Variants in FRMD3 observed in about 807,000 individuals in gnomAD.
The protein encoded by FRMD3 is FERM domain containing 3, also known as FERM domain-containing protein 3.
FRMD3 carries 33 observed loss-of-function variants against 70.2 expected under a neutral mutation model. The observed-to-expected ratio is 0.47, with a 90% confidence interval of 0.36 to 0.63. The LOEUF (loss-of-function observed/expected upper bound fraction) is 0.63, where lower values mean the gene tolerates loss of function less well. Ranked by LOEUF, FRMD3 falls within the 20% of genes least tolerant of loss-of-function variation. The pLI is 0.00. For synonymous variants in FRMD3, 279 were observed against 255.9 expected (o/e 1.09, Z -0.86); for missense variants, 632 against 711.4 (o/e 0.89, Z 1.27).
rs1825612909 is a variant in FRMD3, at chr9:83,389,720, G to GCA, written c.148-14_148-13dup. 3 of 1,587,204 alleles carry GCA rather than the reference G, an allele frequency of 1.9e-6. No homozygotes were observed. The highest frequency in any genetic ancestry group is 1.3e-5 in the African/African-American group (1 of 74,386). ...CCTTTGGTTTCCCTCTGCAAAGGAA[G>GCA]CACATTTAAGTCTCAGCCAGAGCTC... On this transcript the variant is annotated splice_polypyrimidine_tract_variant and intron_variant, in intron 1 of 13. Coordinates refer to ENST00000304195, the MANE Select transcript of FRMD3 (RefSeq NM_174938.6).
intron 6 of FRMD3, among the ~76,000 whole-genome samples, chr9:83,330,089 G>A (rs1836194899): frequency 6.6e-6 from 1 of 152,168 alleles, no homozygotes; most frequent in Admixed American, 6.5e-5. Context: ...GACTGGCGAG[G>A]CATGGTGGCT....
rs1825963630 is a variant in FRMD3 at position 83,402,022 on chromosome 9, C to G, written c.148-12314G>C. Among the ~76,000 whole-genome samples the G allele has an allele frequency of 3.3e-5, 5 of 151,870 alleles. No homozygotes were observed. The South Asian group carries it at 1.0e-3, about 32-fold the overall frequency. On this transcript the variant is annotated intron_variant, in intron 1 of 13. Transcript: ENST00000304195. ...CCATTTTAAAATCAATACAAATATGCCTCAGGCATTTCTATAATAAATCTT... is the reference window on the plus strand; with the variant it reads ...CCATTTTAAAATCAATACAAATATGGCTCAGGCATTTCTATAATAAATCTT...
chr9:83,567,840 C>T, the FRMD3 span, among the ~76,000 whole-genome samples: 2 of 152,200 alleles, frequency 1.3e-5, no homozygotes, highest in African/African-American at 2.4e-5. Context: ...TTCAACAAAT[C>T]TCTAGGAGGT....
chr9:83,412,321 G>T (rs1030960718), intron 1 of FRMD3, among the ~76,000 whole-genome samples: 1 of 152,148 alleles, frequency 6.6e-6, no homozygotes, highest in African/African-American at 2.4e-5. Context: ...TTTAGTAACT[G>T]CAAATAAAGC....
At chr9:83,439,348 C>T (rs78318662) in intron 1 of FRMD3, among the ~76,000 whole-genome samples, 1,560 of 152,332 alleles carry the variant, frequency 0.01, 25 homozygotes, top group African/African-American at 0.035. Flanking sequence ...ATGACTGAGT[C>T]TGGAGCCTTT....
At chr9:83,546,523 T>C in the FRMD3 span, among the ~76,000 whole-genome samples, 1 of 152,110 alleles carries the variant, frequency 6.6e-6, no homozygotes, top group Non-Finnish European at 1.5e-5. Context: ...GTTCTAAACA[T>C]AGAGACAAAA....
At chr9:83,545,366 T>G in the FRMD3 span, among the ~76,000 whole-genome samples, 861 of 147,176 alleles carry the variant, frequency 5.9e-3, 11 homozygotes, top group African/African-American at 0.018. Context: ...GTTTTTTTTT[T>G]TTTTTTTTTG....
At chr9:83,244,433 T>G (rs1001388722), downstream of FRMD3, among the ~76,000 whole-genome samples, 1 of 152,208 alleles carries the variant, frequency 6.6e-6, no homozygotes, top group Non-Finnish European at 1.5e-5. Context: ...TCAGTGCTAG[T>G]ATTCCTGCTT....
intron 10 of FRMD3, among the ~76,000 whole-genome samples, chr9:83,301,143 C>CT (rs953118398): frequency 9.9e-5 from 15 of 152,214 alleles, no homozygotes; most frequent in South Asian, 4.1e-4. Context: ...AGCCATGGCC[C>CT]TGGGGGGGGC....
the FRMD3 span, among the ~76,000 whole-genome samples, chr9:83,571,749 A>G: frequency 6.6e-6 from 1 of 152,324 alleles, no homozygotes; most frequent in South Asian, 2.1e-4. Context: ...CTCTCTGACA[A>G]TGAGAAACCT....
At chr9:83,394,529 T>C (rs896039296) in intron 1 of FRMD3, among the ~76,000 whole-genome samples, 2 of 152,186 alleles carry the variant, frequency 1.3e-5, no homozygotes, top group African/African-American at 4.8e-5. Flanking sequence ...AATATCTTGT[T>C]GGACACACAG....
chr9:83,521,015 T>C (rs1829560607), intron 1 of FRMD3, among the ~76,000 whole-genome samples: 1 of 147,710 alleles, frequency 6.8e-6, no homozygotes, highest in Non-Finnish European at 1.5e-5. Flanking sequence ...TGTTGGCACC[T>C]GTAATCCCAG....
At chr9:83,553,842 G>C in the FRMD3 span, among the ~76,000 whole-genome samples, 1 of 152,234 alleles carries the variant, frequency 6.6e-6, no homozygotes, top group East Asian at 1.9e-4. Flanking sequence ...CATATTCTGA[G>C]TTCTATTTCT....
chr9:83,534,128 A>G (rs951235504), intron 1 of FRMD3, among the ~76,000 whole-genome samples: 2 of 152,214 alleles, frequency 1.3e-5, no homozygotes, highest in Non-Finnish European at 2.9e-5. Context: ...GAAAAGCCCA[A>G]TAAGGAGCAT....
intron 1 of FRMD3, among the ~76,000 whole-genome samples, chr9:83,498,815 T>A (rs1236754686): frequency 2.0e-5 from 3 of 152,160 alleles, no homozygotes; most frequent in Admixed American, 1.3e-4. Context: ...AGACAAGACC[T>A]TCCATCCTCT....
At position 83,453,269 on chromosome 9, in the gene FRMD3, AT is replaced by A. The variant is rs1383851488; in HGVS notation, c.148-63562del. Among the ~76,000 whole-genome samples the A allele has an allele frequency of 5.3e-5, 8 of 152,174 alleles. 1 individual carries two copies. Among genetic ancestry groups the A allele is most frequent in the Admixed American group, 4.6e-4 (7 of 15,280 alleles). ...TAACTTCACACAGTGCAAGATATAC[AT>A]TTGTTATATTAGTTTATAAGGTTCT... On this transcript the variant is annotated intron_variant, in intron 1 of 13. Coordinates refer to ENST00000304195, the MANE Select transcript of FRMD3 (RefSeq NM_174938.6).
chr9:83,429,111 G>A (rs975634165), intron 1 of FRMD3, among the ~76,000 whole-genome samples: 5 of 152,160 alleles, frequency 3.3e-5, no homozygotes, highest in Admixed American at 1.3e-4. Context: ...GAGAATTAAC[G>A]TGACTGATCC....
chr9:83,388,024 T>G (rs1212928737), intron 2 of FRMD3, among the ~76,000 whole-genome samples: 4 of 152,118 alleles, frequency 2.6e-5, no homozygotes, highest in Admixed American at 6.6e-5. Context: ...TCCCCACCAC[T>G]GCCCTGCCAC....
At position 83,357,221 on chromosome 9, in the gene FRMD3, A is replaced by G. The variant is rs1407627021; in HGVS notation, c.296-7464T>C. Among the ~76,000 whole-genome samples the G allele has an allele frequency of 1.2e-3, 24 of 20,842 alleles. 1 individual carries two copies. The highest frequency in any genetic ancestry group is 4.0e-3 in the Admixed American group (5 of 1,250). The allele number at this position is 20,842 out of a possible 152,430, so 13.7% of individuals were successfully genotyped here. ...TATATATAACATACATGGAATATATATATTTTATATATATATAATACATAC... is the reference window on the plus strand; with the variant it reads ...TATATATAACATACATGGAATATATGTATTTTATATATATATAATACATAC... On this transcript the variant is annotated intron_variant, in intron 3 of 13. Coordinates refer to ENST00000304195, the MANE Select transcript of FRMD3 (RefSeq NM_174938.6).
Sources: gnomAD v4.1 joint callset for allele counts (sites outside exome capture counted in the v4.1 genomes callset) on GRCh38, gnomAD v4.1.1 for gene constraint, MANE v1.5 for transcripts, NCBI Gene and HGNC (gene_info 2026-07-23, HGNC 2026-07-21) for gene names.